GULP1: variants seen among roughly 807,000 people sequenced by gnomAD.
The protein encoded by GULP1 is PTB domain-containing engulfment adapter protein 1.
In GULP1, 19 loss-of-function variants were observed where a neutral mutation model predicts 40.9. The observed-to-expected ratio is 0.46, with a 90% CI of 0.32 to 0.68. GULP1 has a LOEUF of 0.68. GULP1 is among the 30% of genes least tolerant of loss of function. The pLI, the probability that GULP1 is intolerant of heterozygous loss-of-function variation, is 0.03. For synonymous variants in GULP1, 119 were observed against 117.6 expected, an observed-to-expected ratio of 1.01 and a Z score of -0.08; for missense variants, 312 against 362.2, an observed-to-expected ratio of 0.86 and a Z score of 1.12.
chr2:188,312,304 C>T (rs763307312), intron 1 of GULP1, among the ~76,000 whole-genome samples: 1 of 152,058 alleles, frequency 6.6e-6, no homozygotes, highest in Non-Finnish European at 1.5e-5. Flanking sequence ...AGTTCCCTCC[C>T]CTCATCCCCC....
intron 2 of GULP1, among the ~76,000 whole-genome samples, chr2:188,407,979 G>T (rs1011116690): frequency 6.6e-6 from 1 of 152,188 alleles, no homozygotes; most frequent in African/African-American, 2.4e-5. Context: ...GAAACCAAAA[G>T]AGAGCAGAGG....
intron 3 of GULP1, among the ~76,000 whole-genome samples, chr2:188,479,024 TGCCATTTA>T (rs1477613883): frequency 6.6e-6 from 1 of 152,144 alleles, no homozygotes; most frequent in Non-Finnish European, 1.5e-5. Flanking sequence ...TTTGAAGGAC[TGCCATTTA>T]GCCATGGGGT....
chr2:188,320,624 G>GT (rs2039826905), intron 1 of GULP1, among the ~76,000 whole-genome samples: 1 of 151,992 alleles, frequency 6.6e-6, no homozygotes, highest in African/African-American at 2.4e-5. Flanking sequence ...TGAGAAGCAT[G>GT]TTTTGTTAAA....
At chr2:188,472,918 C>T (rs2060706688) in intron 2 of GULP1, among the ~76,000 whole-genome samples, 1 of 152,140 alleles carries the variant, frequency 6.6e-6, no homozygotes, top group Non-Finnish European at 1.5e-5. Context: ...CTTGTTTGTA[C>T]CTGTCCTTCT....
intron 4 of GULP1, among the ~76,000 whole-genome samples, chr2:188,494,356 TC>T (rs2062697064): frequency 6.6e-6 from 1 of 152,050 alleles, no homozygotes; most frequent in South Asian, 2.1e-4. Flanking sequence ...TCAGTGCTTC[TC>T]CTAATGTCTA....
At chr2:188,312,279 T>C (rs1272994414) in intron 1 of GULP1, among the ~76,000 whole-genome samples, 1 of 152,156 alleles carries the variant, frequency 6.6e-6, no homozygotes, top group Non-Finnish European at 1.5e-5. Context: ...GCTGCACCTA[T>C]TGACCTATCC....
At chr2:188,377,164 T>C in intron 1 of GULP1, among the ~76,000 whole-genome samples, 1 of 149,290 alleles carries the variant, frequency 6.7e-6, no homozygotes, top group African/African-American at 2.5e-5. Flanking sequence ...AGAGCGAGAC[T>C]CCATCTCAAA....
intron 1 of GULP1, among the ~76,000 whole-genome samples, chr2:188,346,561 C>T (rs1274418502): frequency 1.3e-5 from 2 of 151,180 alleles, no homozygotes; most frequent in South Asian, 2.1e-4. Flanking sequence ...GGTGCGATCT[C>T]GGGTCACTAC....
intron 2 of GULP1, among the ~76,000 whole-genome samples, chr2:188,387,914 T>C (rs916064828): frequency 1.3e-5 from 2 of 152,052 alleles, no homozygotes; most frequent in African/African-American, 4.8e-5. Context: ...AGTTTTAGGG[T>C]ACATGTGCAC....
intron 4 of GULP1, among the ~76,000 whole-genome samples, chr2:188,510,630 A>G (rs141183625): frequency 1.9e-4 from 29 of 152,194 alleles, no homozygotes; most frequent in Middle Eastern, 3.4e-3. Context: ...GAAACAGAAT[A>G]AACACTTACT....
chr2:188,369,905 G>A (rs2047377892), intron 1 of GULP1, among the ~76,000 whole-genome samples: 1 of 152,100 alleles, frequency 6.6e-6, no homozygotes, highest in South Asian at 2.1e-4. Context: ...GTGTGATGGT[G>A]CCATCATGGC....
chr2:188,582,845 CA>C (rs1485052586), intron 9 of GULP1, among the ~76,000 whole-genome samples: 1 of 152,080 alleles, frequency 6.6e-6, no homozygotes, highest in African/African-American at 2.4e-5. Context: ...AGAGCAATTT[CA>C]GCAGAGTTCA....
At chr2:188,372,045 G>T (rs934667370) in intron 1 of GULP1, among the ~76,000 whole-genome samples, 1 of 152,088 alleles carries the variant, frequency 6.6e-6, no homozygotes, top group Non-Finnish European at 1.5e-5. Flanking sequence ...GAAGACTTTT[G>T]TTTCTTTAAT....
intron 1 of GULP1, among the ~76,000 whole-genome samples, chr2:188,361,421 AAGAG>A (rs143546797): frequency 0.011 from 1,657 of 150,456 alleles, 42 homozygotes; most frequent in African/African-American, 0.037. Context: ...GGCAGGAGAG[AAGAG>A]AGAGAGAGAG....
chr2:188,363,611 A>G (rs12473726), intron 1 of GULP1, among the ~76,000 whole-genome samples: 151,419 of 152,262 alleles, frequency 0.99, 75,297 homozygotes, highest in East Asian at 1. Flanking sequence ...AGGGTTATTA[A>G]TCTCTGACAC....
At chr2:188,529,292 G>C (rs1575811606) in intron 6 of GULP1, 97 bp downstream of exon 6, 1 of 613,232 alleles carries the variant, frequency 1.6e-6, no homozygotes, top group East Asian at 3.0e-5. Context: ...ACCCTGAACT[G>C]TTTAGTTCTG....
intron 1 of GULP1, among the ~76,000 whole-genome samples, chr2:188,310,858 A>G (rs1415758385): frequency 6.6e-6 from 1 of 152,246 alleles, no homozygotes; most frequent in Non-Finnish European, 1.5e-5. Flanking sequence ...AAGCTAATAG[A>G]GATCTAAACT....
chr2:188,573,745 C>T (rs1699604132), intron 9 of GULP1, among the ~76,000 whole-genome samples: 2 of 152,180 alleles, frequency 1.3e-5, no homozygotes, highest in South Asian at 4.1e-4. Context: ...GTGATCTACA[C>T]ATTCATTAAA....
chr2:188,557,215 C>T (rs1179906099), intron 7 of GULP1, among the ~76,000 whole-genome samples: 2 of 152,116 alleles, frequency 1.3e-5, no homozygotes, highest in African/African-American at 2.4e-5. Context: ...ACCTTTCCAG[C>T]AGTCCCCAAA....
Sources: allele counts gnomAD v4.1 joint callset (sites outside exome capture counted in the v4.1 genomes callset), GRCh38; gene constraint gnomAD v4.1.1; transcripts MANE v1.5; gene names NCBI Gene and HGNC (gene_info 2026-07-23, HGNC 2026-07-21).